Variants in KIAA1217 observed in about 807,000 individuals in gnomAD.
KIAA1217 encodes sickle tail protein homolog.
KIAA1217 carries 88 observed loss-of-function variants against 163.9 expected under a neutral mutation model. That is an observed-to-expected ratio of 0.54 (90% CI 0.45 to 0.64). The LOEUF (loss-of-function observed/expected upper bound fraction) is 0.64, where lower values mean the gene tolerates loss of function less well. Among genes scored for constraint, KIAA1217 ranks in the 30% least tolerant of loss-of-function variants. The probability of loss-of-function intolerance (pLI) is 0.00; values close to 1 mark genes in which losing one functional copy is unlikely to be tolerated. For missense variants in KIAA1217, 2,372 were observed against 2,475.0 expected, an observed-to-expected ratio of 0.96 and a Z score of 0.88; for synonymous variants, 903 against 923.1, an observed-to-expected ratio of 0.98 and a Z score of 0.39.
intron 2 of KIAA1217, among the ~76,000 whole-genome samples, chr10:24,361,512 C>A (rs2134237694): frequency 6.6e-6 from 1 of 152,110 alleles, no homozygotes; most frequent in Admixed American, 6.5e-5. Flanking sequence ...ATGATTTTAT[C>A]CACTTAATTA....
chr10:24,526,370 G>A (rs746244144), intron 13 of KIAA1217, among the ~76,000 whole-genome samples: 1 of 152,180 alleles, frequency 6.6e-6, no homozygotes, highest in Non-Finnish European at 1.5e-5. Context: ...GACAGAGTGT[G>A]ATTCTATTCC....
intron 1 of KIAA1217, among the ~76,000 whole-genome samples, chr10:23,815,674 A>G (rs911023268): frequency 2.0e-5 from 3 of 152,126 alleles, no homozygotes; most frequent in African/African-American, 7.2e-5. Context: ...AAAAAATTTA[A>G]TAATTTAAAA....
intron 1 of KIAA1217, among the ~76,000 whole-genome samples, chr10:24,210,443 GGCTACCTC>G (rs2067928074): frequency 6.6e-6 from 1 of 151,594 alleles, no homozygotes; most frequent in South Asian, 2.1e-4. Flanking sequence ...TGGAAGATAA[GGCTACCTC>G]GTCCCCCTGA....
intron 1 of KIAA1217, among the ~76,000 whole-genome samples, chr10:23,911,103 G>A (rs1320061768): frequency 2.0e-5 from 3 of 152,152 alleles, no homozygotes; most frequent in Non-Finnish European, 4.4e-5. Flanking sequence ...AATATTCTAG[G>A]ATGCAGGTAT....
At chr10:23,935,246 A>C (rs1843476859) in intron 1 of KIAA1217, among the ~76,000 whole-genome samples, 1 of 152,228 alleles carries the variant, frequency 6.6e-6, no homozygotes, top group Non-Finnish European at 1.5e-5. Flanking sequence ...AAATATGGAT[A>C]AGGAAGCACT....
intron 1 of KIAA1217, among the ~76,000 whole-genome samples, chr10:23,775,172 A>C (rs554329481): frequency 6.6e-6 from 1 of 152,160 alleles, no homozygotes; most frequent in Non-Finnish European, 1.5e-5. Context: ...AGGAAGTGGC[A>C]CCTAACCCTG....
chr10:23,887,982 C>G (rs559150742), intron 1 of KIAA1217, among the ~76,000 whole-genome samples: 5 of 151,826 alleles, frequency 3.3e-5, no homozygotes, highest in Non-Finnish European at 5.9e-5. Flanking sequence ...AATTTTGATA[C>G]ATTACTTAGG....
chr10:24,378,468 C>T (rs2052828054), intron 2 of KIAA1217, among the ~76,000 whole-genome samples: 1 of 152,170 alleles, frequency 6.6e-6, no homozygotes, highest in Non-Finnish European at 1.5e-5. Context: ...CCCCAGACTC[C>T]TTCTGCACCC....
intron 1 of KIAA1217, among the ~76,000 whole-genome samples, chr10:24,006,849 G>C (rs1027995444): frequency 5.3e-5 from 8 of 152,102 alleles, no homozygotes; most frequent in African/African-American, 1.9e-4. Flanking sequence ...TTAGAGATGC[G>C]AGTCTGCAAT....
intron 2 of KIAA1217, among the ~76,000 whole-genome samples, chr10:24,342,041 G>A (rs1293783272): frequency 6.6e-6 from 1 of 152,230 alleles, no homozygotes; most frequent in Non-Finnish European, 1.5e-5. Flanking sequence ...AATTATGCCT[G>A]AAGGCATAGC....
At chr10:24,070,971 T>G (rs887387329) in intron 2 of KIAA1217, among the ~76,000 whole-genome samples, 1 of 152,114 alleles carries the variant, frequency 6.6e-6, no homozygotes, top group African/African-American at 2.4e-5. Context: ...TTAAGGGTAT[T>G]TCTACAATTA....
At position 24,494,560 on chromosome 10, in the gene KIAA1217, G is replaced by A. The variant is rs113780312; in HGVS notation, c.1740G>A (p.Ala580=). 3.6e-5 allele frequency: 58 copies of A among 1,613,792 alleles called. No individual in the cohort carries two copies. The highest frequency in any genetic ancestry group is 5.3e-5 in the African/African-American group (4 of 74,878). ...GTTTAACTGGCCTTGTTCAGTCTGC[G>A]CTTTTTAAAGGGCCCATTACAAGTT... ...IASLTGLVQS[A]LFKGPITSYS... is the part of the protein sequence containing the mutation. Residue 580 remains alanine (A), a synonymous_variant, in exon 7 of 21, where the codon GCG becomes GCA. Coordinates refer to ENST00000376454, the MANE Select transcript of KIAA1217 (RefSeq NM_019590.5).
At chr10:24,332,927 A>G (rs2045872303) in intron 2 of KIAA1217, among the ~76,000 whole-genome samples, 1 of 152,196 alleles carries the variant, frequency 6.6e-6, no homozygotes, top group East Asian at 1.9e-4. Flanking sequence ...TCAGAGGTTA[A>G]AATGATTATG....
At chr10:23,904,410 C>G (rs1164523805) in intron 1 of KIAA1217, among the ~76,000 whole-genome samples, 4 of 152,100 alleles carry the variant, frequency 2.6e-5, no homozygotes, top group Non-Finnish European at 5.9e-5. Flanking sequence ...ATATATTTGT[C>G]GGGATAGGCT....
intron 2 of KIAA1217, among the ~76,000 whole-genome samples, chr10:24,126,157 G>A (rs774377985): frequency 7.9e-5 from 12 of 151,946 alleles, no homozygotes; most frequent in Non-Finnish European, 1.0e-4. Context: ...TATATTAAAC[G>A]TGTTGAATTT....
chr10:23,926,409 A>G (rs941626956), intron 1 of KIAA1217, among the ~76,000 whole-genome samples: 8 of 152,206 alleles, frequency 5.3e-5, no homozygotes, highest in African/African-American at 1.9e-4. Context: ...CAATATTTCC[A>G]TATGAGATGT....
intron 6 of KIAA1217, among the ~76,000 whole-genome samples, chr10:24,479,174 A>G (rs756728430): frequency 1.6e-4 from 25 of 152,212 alleles, no homozygotes; most frequent in Non-Finnish European, 1.0e-4. Flanking sequence ...GGAAGCCCAC[A>G]TGGCAACTGG....
chr10:24,506,761 A>G (rs2068419996), intron 9 of KIAA1217, among the ~76,000 whole-genome samples: 2 of 152,218 alleles, frequency 1.3e-5, no homozygotes. Context: ...GCAGGAAGGA[A>G]AAACCCAAGC....
At chr10:23,915,585 T>C (rs944756707) in intron 1 of KIAA1217, among the ~76,000 whole-genome samples, 7 of 152,188 alleles carry the variant, frequency 4.6e-5, no homozygotes, top group Non-Finnish European at 8.8e-5. Flanking sequence ...ACCATGTGCA[T>C]GCTAGGGAAA....
Sources: allele counts gnomAD v4.1 joint callset (sites outside exome capture counted in the v4.1 genomes callset), GRCh38; gene constraint gnomAD v4.1.1; transcripts MANE v1.5; gene names NCBI Gene and HGNC (gene_info 2026-07-23, HGNC 2026-07-21).